The following RANBP10 variants were observed in gnomAD, a reference collection of about 807,000 sequenced individuals.
The protein encoded by RANBP10 is RAN binding protein 10, also known as ran-binding protein 10.
In RANBP10, 24 loss-of-function variants were observed where a neutral mutation model predicts 72.8. The ratio of observed to expected loss-of-function variants is 0.33; its 90% CI spans 0.24 to 0.46. The LOEUF is 0.46. RANBP10 is among the 20% of genes least tolerant of loss of function. RANBP10 has a pLI of 1.00. For missense variants in RANBP10, 679 were observed against 817.5 expected (o/e 0.83, Z 2.07); for synonymous variants, 310 against 322.3 (o/e 0.96, Z 0.41).
In RANBP10 at chr16:67,806,507, A is replaced by C. The variant is rs950016288; in HGVS notation, c.30T>G (p.Ala10=). The C allele has an allele frequency of 1.8e-5, 28 of 1,524,974 alleles. 1 individual carries two copies. The Admixed American group carries it at 4.7e-4, about 25-fold the overall frequency. The allele number at this position is 1,524,974 out of a possible 1,614,324, so 94.5% of individuals were successfully genotyped here. The change falls in exon 1 of 14, where the codon GCT becomes GCG. Residue 10 remains alanine (A), a synonymous_variant. Coordinates refer to ENST00000317506, the MANE Select transcript of RANBP10 (RefSeq NM_020850.3). The part of the protein sequence containing the change: MAAATADPG[A]GNPQPGDSSG... ...AGGAGTCCCCAGGCTGCGGGTTCCC[A>C]GCTCCCGGGTCTGCCGTCGCTGCCG...
Position 67,751,681 on chromosome 16 carries a change from T to A in RANBP10, c.401-7226A>T, listed in dbSNP as rs572386352. On this transcript the variant is annotated intron_variant, in intron 3 of 13. Transcript: ENST00000317506. ...CTATAATCCCAGTACTTTGGGAGGC[T>A]GAGATGGGCAGACCACCTGAGGTCA... is the stretch of plus-strand genomic sequence containing the variant. Among the ~76,000 whole-genome samples the A allele has an allele frequency of 4.6e-5, 7 of 152,130 alleles. No homozygotes were observed. The South Asian group carries it at 1.5e-3, about 32-fold the overall frequency.
intron 1 of RANBP10, 55 bp downstream of exon 1, chr16:67,806,247 G>A: frequency 6.7e-7 from 1 of 1,498,544 alleles, no homozygotes; most frequent in Non-Finnish European, 9.0e-7. Flanking sequence ...CCTGGCAGCA[G>A]AGCCACCCCA....
intron 3 of RANBP10, among the ~76,000 whole-genome samples, chr16:67,750,066 CCCTG>C (rs2054165511): frequency 6.6e-6 from 1 of 152,234 alleles, no homozygotes; most frequent in African/African-American, 2.4e-5. Flanking sequence ...GCACCCATAA[CCCTG>C]TGTGTTTGGC....
intron 2 of RANBP10, among the ~76,000 whole-genome samples, chr16:67,793,605 C>A (rs1361827111): frequency 6.6e-6 from 1 of 152,072 alleles, no homozygotes; most frequent in African/African-American, 2.4e-5. Flanking sequence ...AGCCACCGTG[C>A]CCAGCCTCGC....
intron 3 of RANBP10, among the ~76,000 whole-genome samples, chr16:67,766,313 C>T (rs1778784711): frequency 6.6e-6 from 1 of 152,132 alleles, no homozygotes; most frequent in Admixed American, 6.5e-5. Flanking sequence ...CTGGAAAGCA[C>T]CAAAAGGGAT....
intron 6 of RANBP10, among the ~76,000 whole-genome samples, chr16:67,734,445 G>A (rs904927635): frequency 6.6e-6 from 1 of 152,246 alleles, no homozygotes; most frequent in Non-Finnish European, 1.5e-5. Context: ...ATGAGACTCA[G>A]TTGGATGCTG....
Position 67,790,013 on chromosome 16 carries a change from C to T in RANBP10, c.347+15415G>A, listed in dbSNP as rs1567712303. On this transcript the variant is annotated intron_variant, in intron 2 of 13. Coordinates refer to ENST00000317506, the MANE Select transcript of RANBP10 (RefSeq NM_020850.3). The stretch of plus-strand genomic sequence containing the variant: ...TCGGGAGGCTGAGGCAGGAGAATTG[C>T]TGAACCTGGGAGGCGGAGGTTGCAG... 2.0e-5 allele frequency among the ~76,000 whole-genome samples: 3 copies of T among 151,336 alleles called. 1 individual carries two copies. The highest frequency in any genetic ancestry group is 7.3e-5 in the African/African-American group (3 of 40,990).
chr16:67,795,438 C>T (rs191141479), intron 2 of RANBP10, among the ~76,000 whole-genome samples: 93 of 151,972 alleles, frequency 6.1e-4, no homozygotes, highest in Non-Finnish European at 1.1e-3. Context: ...ACTCAGGAGG[C>T]TGAGGCAGGA....
chr16:67,784,912 TA>T (rs541713321), intron 2 of RANBP10, among the ~76,000 whole-genome samples: 7,222 of 144,038 alleles, frequency 0.05, 468 homozygotes, highest in African/African-American at 0.16. Flanking sequence ...CAGTAGCACT[TA>T]AAAAAAAAAA....
rs184763997 is a variant in RANBP10, at chr16:67,800,199, T to A, written c.347+5229A>T. 6.7e-5 allele frequency among the ~76,000 whole-genome samples: 10 copies of A among 149,966 alleles called. No individual in the cohort carries two copies. The East Asian group carries it at 1.4e-3, about 21-fold the overall frequency. ...CTGGTGTCTGGAATGAATGAATGAG[T>A]GCACTGCTGCCTGGCCAAAGGAAGT... On this transcript the variant is annotated intron_variant, in intron 2 of 13. Coordinates refer to ENST00000317506, the MANE Select transcript of RANBP10 (RefSeq NM_020850.3).
chr16:67,795,616 C>G (rs2055116726), intron 2 of RANBP10, among the ~76,000 whole-genome samples: 1 of 151,714 alleles, frequency 6.6e-6, no homozygotes, highest in South Asian at 2.1e-4. Flanking sequence ...ACCTGTAATC[C>G]CAGCACTTTG....
intron 3 of RANBP10, among the ~76,000 whole-genome samples, chr16:67,767,790 A>G (rs1170279841): frequency 2.0e-5 from 3 of 151,486 alleles, no homozygotes; most frequent in East Asian, 1.9e-4. Flanking sequence ...TAGAGATGGG[A>G]TTTCACCGTG....
chr16:67,740,665 T>A (rs1051957607), intron 4 of RANBP10, among the ~76,000 whole-genome samples: 2 of 152,214 alleles, frequency 1.3e-5, no homozygotes, highest in Non-Finnish European at 2.9e-5. Context: ...AAGGCACTAT[T>A]CAATCCTCAG....
intron 3 of RANBP10, among the ~76,000 whole-genome samples, chr16:67,758,465 G>A (rs1435451069): frequency 1.3e-5 from 2 of 152,174 alleles, no homozygotes; most frequent in Non-Finnish European, 2.9e-5. Flanking sequence ...GTACATCGTT[G>A]GGTCCTGAGC....
intron 2 of RANBP10, among the ~76,000 whole-genome samples, chr16:67,793,137 AC>A (rs1266181639): frequency 3.3e-5 from 5 of 151,650 alleles, no homozygotes; most frequent in African/African-American, 4.8e-5. Context: ...TTCCCATTAG[AC>A]CCCACAGGGG....
chr16:67,745,293 T>A (rs1467773515), intron 3 of RANBP10, among the ~76,000 whole-genome samples: 1 of 151,940 alleles, frequency 6.6e-6, no homozygotes, highest in Non-Finnish European at 1.5e-5. Context: ...TATTTTATAT[T>A]GAGGATTAGT....
chr16:67,788,771 C>A (rs1209138464), intron 2 of RANBP10, among the ~76,000 whole-genome samples: 1 of 151,502 alleles, frequency 6.6e-6, no homozygotes, highest in South Asian at 2.1e-4. Flanking sequence ...GAGGCCGAGA[C>A]GGGCAGATCT....
At chr16:67,762,023 AAGG>A (rs1567695019) in intron 3 of RANBP10, among the ~76,000 whole-genome samples, 1 of 152,220 alleles carries the variant, frequency 6.6e-6, no homozygotes, top group African/African-American at 2.4e-5. Flanking sequence ...TGGGAGGCCA[AAGG>A]AGGAGGACTG....
chr16:67,726,626 G>C lies in RANBP10; in HGVS notation c.1733-68C>G, dbSNP rs1052369654. 7.4e-6 allele frequency: 11 copies of C among 1,487,528 alleles called. No homozygotes were observed. In the African/African-American group the frequency reaches 1.5e-4, roughly 21 times the overall value. 92.1% of individuals were successfully genotyped at this position (1,487,528 alleles called of 1,614,324 possible). A position where few individuals can be genotyped will look rare whatever the true frequency, so the allele number is the denominator to read the frequency against. ...CTTGGGCCCAGGTCAAAGTTCCCTT[G>C]GGGGTGGAAGGAGGGGGCAGTGGAC... On this transcript the variant is annotated intron_variant, in intron 13 of 13. Transcript: ENST00000317506.
Sources: gnomAD v4.1 joint callset for allele counts (sites outside exome capture counted in the v4.1 genomes callset) on GRCh38, gnomAD v4.1.1 for gene constraint, MANE v1.5 for transcripts, NCBI Gene and HGNC (gene_info 2026-07-23, HGNC 2026-07-21) for gene names.